The following AGAP1 variants were observed in gnomAD, a reference collection of about 807,000 sequenced individuals.
AGAP1 encodes the protein arf-GAP with GTPase, ANK repeat and PH domain-containing protein 1.
Under a neutral mutation model 105.3 loss-of-function variants are expected in AGAP1, and 29 were observed. The ratio of observed to expected loss-of-function variants is 0.28; its 90% CI spans 0.21 to 0.38. AGAP1 has a LOEUF of 0.38. Ranked by LOEUF, AGAP1 falls within the 10% of genes least tolerant of loss-of-function variation. The pLI, the probability that AGAP1 is intolerant of heterozygous loss-of-function variation, is 1.00. For synonymous variants in AGAP1, 509 were observed against 485.9 expected (o/e 1.05, Z -0.63); for missense variants, 998 against 1,165.1 (o/e 0.86, Z 2.09).
At position 235,799,826 on chromosome 2, in the gene AGAP1, G is replaced by T. The variant is rs1263537080; in HGVS notation, c.957+304G>T. 6.6e-6 allele frequency among the ~76,000 whole-genome samples: 1 copy of T among 152,120 alleles called. No individual in the cohort carries two copies. The highest frequency in any genetic ancestry group is 1.5e-5 in the Non-Finnish European group (1 of 68,018). On this transcript the variant is annotated intron_variant, in intron 8 of 17. Coordinates refer to ENST00000304032, the MANE Select transcript of AGAP1 (RefSeq NM_001037131.3). This position sits in a 1 kb window ranked among gnomAD's most constrained non-coding sequence, Gnocchi z 5.0. ...AAAGATGTGTCACAGTGGATACAAG[G>T]AGATGACAAAACTCTAAGATTCCCA...
At chr2:235,885,974 G>A (rs1363163711) in intron 10 of AGAP1, among the ~76,000 whole-genome samples, 1 of 152,334 alleles carries the variant, frequency 6.6e-6, no homozygotes, top group Non-Finnish European at 1.5e-5. Context: ...TCGAAGAGAT[G>A]TAATACCCAT....
intron 1 of AGAP1, among the ~76,000 whole-genome samples, chr2:235,673,720 G>A (rs1032250006): frequency 6.6e-5 from 10 of 152,160 alleles, no homozygotes; most frequent in African/African-American, 2.2e-4. Context: ...ATCATGAGAA[G>A]CACCACTGGC....
intron 6 of AGAP1, among the ~76,000 whole-genome samples, chr2:235,768,616 G>T (rs1051430010): frequency 6.6e-6 from 1 of 152,236 alleles, no homozygotes; most frequent in East Asian, 1.9e-4. Context: ...GAGCCAATGG[G>T]TAGAGCTGGG....
At chr2:235,924,047 A>C (rs1160139393) in intron 11 of AGAP1, among the ~76,000 whole-genome samples, 1 of 152,050 alleles carries the variant, frequency 6.6e-6, no homozygotes, top group Non-Finnish European at 1.5e-5. Flanking sequence ...GGAGAGTGAC[A>C]TTTACTGTCC....
intron 16 of AGAP1, among the ~76,000 whole-genome samples, chr2:236,065,075 GGA>G (rs1005807316): frequency 1.3e-5 from 2 of 152,222 alleles, no homozygotes; most frequent in Admixed American, 6.5e-5. Flanking sequence ...TGATACTGCT[GGA>G]GAGGTGAGGC....
chr2:235,524,426 G>T, intron 1 of AGAP1: 1 of 246,216 alleles, frequency 4.1e-6, no homozygotes, highest in Non-Finnish European at 9.0e-6. Context: ...CTGACAGTGG[G>T]GGCAAGTTTA....
At chr2:235,835,591 C>T (rs193121560) in intron 9 of AGAP1, among the ~76,000 whole-genome samples, 4 of 152,300 alleles carry the variant, frequency 2.6e-5, no homozygotes, top group East Asian at 1.9e-4. Flanking sequence ...GTAGCTGGCA[C>T]GTTGTGTAAG....
At chr2:235,568,609 G>A (rs371681716) in intron 1 of AGAP1, among the ~76,000 whole-genome samples, 4 of 152,108 alleles carry the variant, frequency 2.6e-5, no homozygotes, top group African/African-American at 4.8e-5. Context: ...GCTCAGTGCC[G>A]GTTGTAAAAG....
intron 10 of AGAP1, among the ~76,000 whole-genome samples, chr2:235,886,883 G>A (rs891621448): frequency 6.6e-6 from 1 of 151,822 alleles, no homozygotes. Flanking sequence ...TCTGACAGGT[G>A]CATACGAGTC....
In AGAP1 at chr2:235,887,516, T is replaced by C. The variant is rs77230365; in HGVS notation, c.1155+4067T>C. Among the ~76,000 whole-genome samples the C allele has an allele frequency of 3.6e-3, 549 of 152,214 alleles. 3 individuals are homozygous for C. Among genetic ancestry groups the C allele is most frequent in the Non-Finnish European group, 6.7e-3 (458 of 68,010 alleles). The stretch of plus-strand genomic sequence containing the variant: ...CTCCCTGTTTTACACTAGAGGAAAA[T>C]GTTATCTGGTTTCTGAGAACACTAT... On this transcript the variant is annotated intron_variant, in intron 10 of 17. Coordinates refer to ENST00000304032, the MANE Select transcript of AGAP1 (RefSeq NM_001037131.3). The surrounding 1 kb of genome is among the most constrained non-coding windows in gnomAD (Gnocchi z 4.1).
rs552556495 is a variant in AGAP1 at position 236,091,006 on chromosome 2, T to C, written c.2115-29186T>C. Among the ~76,000 whole-genome samples the C allele has an allele frequency of 3.3e-5, 5 of 152,348 alleles. No homozygotes were observed. The South Asian group carries it at 1.0e-3, about 32-fold the overall frequency. ...TGCCCACCTCGGCCTCCCGAAGTGCTGGGTTGACAGGCGTGTGCCACCGCA... is the reference window on the plus strand; with the variant it reads ...TGCCCACCTCGGCCTCCCGAAGTGCCGGGTTGACAGGCGTGTGCCACCGCA... On this transcript the variant is annotated intron_variant, in intron 16 of 17. Transcript: ENST00000304032.
intron 12 of AGAP1, among the ~76,000 whole-genome samples, chr2:235,939,084 A>G (rs1204980878): frequency 6.6e-6 from 1 of 152,170 alleles, no homozygotes; most frequent in African/African-American, 2.4e-5. Flanking sequence ...CTGATTCTGT[A>G]TAAACCCAGA....
intron 1 of AGAP1, among the ~76,000 whole-genome samples, chr2:235,630,344 G>C (rs1216680632): frequency 2.0e-5 from 3 of 152,028 alleles, no homozygotes; most frequent in Admixed American, 6.5e-5. Flanking sequence ...CCGAGTAGTT[G>C]GGATTACAGG....
intron 1 of AGAP1, among the ~76,000 whole-genome samples, chr2:235,565,178 C>T (rs1237631568): frequency 1.3e-5 from 2 of 151,688 alleles, no homozygotes. Context: ...CACCCACGGC[C>T]AGGTGTGAGC....
At chr2:235,648,728 A>C (rs13412715) in intron 1 of AGAP1, among the ~76,000 whole-genome samples, 107,180 of 148,820 alleles carry the variant, frequency 0.72, 38,907 homozygotes, top group East Asian at 0.81. Flanking sequence ...AAAAAAAAAA[A>C]AAAAAAACAT....
In AGAP1 at chr2:236,082,435, G is replaced by C. The variant is rs191538081; in HGVS notation, c.2114+33154G>C. Among the ~76,000 whole-genome samples, 1 of 152,190 alleles carries C rather than the reference G, an allele frequency of 6.6e-6. No individual in the cohort carries two copies. The highest frequency in any genetic ancestry group is 2.4e-5 in the African/African-American group (1 of 41,436). Reference sequence around the variant, plus strand: ...GAGCTCACCCACCAGGTCCTGCTACGGGGCCGCTGCCCATTTGATCTCTCA... The same window carrying C: ...GAGCTCACCCACCAGGTCCTGCTACCGGGCCGCTGCCCATTTGATCTCTCA... On this transcript the variant is annotated intron_variant, in intron 16 of 17. Coordinates refer to ENST00000304032, the MANE Select transcript of AGAP1 (RefSeq NM_001037131.3). This position sits in a 1 kb window ranked among gnomAD's most constrained non-coding sequence, Gnocchi z 4.2.
In AGAP1 at chr2:235,596,048, AG is replaced by A; in HGVS notation, c.163+101200del. Among the ~76,000 whole-genome samples, 1 of 152,324 alleles carries A rather than the reference AG, an allele frequency of 6.6e-6. No individual in the cohort carries two copies. Among genetic ancestry groups the A allele is most frequent in the Non-Finnish European group, 1.5e-5 (1 of 68,034 alleles). On this transcript the variant is annotated intron_variant, in intron 1 of 17. Transcript: ENST00000304032. The surrounding 1 kb of genome is among the most constrained non-coding windows in gnomAD (Gnocchi z 5.9). ...TCCTGGAAGTGGTTGTGAAAATCGC[AG>A]CCCTGTGAATTGTGTGCCCTAAGAG...
intron 1 of AGAP1, among the ~76,000 whole-genome samples, chr2:235,498,086 G>C (rs1021335999): frequency 2.6e-5 from 4 of 152,120 alleles, no homozygotes; most frequent in Admixed American, 6.5e-5. Flanking sequence ...TTCAGAGCGC[G>C]TGGAGGTGGG....
chr2:235,860,100 C>G (rs1467316668), intron 9 of AGAP1, among the ~76,000 whole-genome samples: 1 of 152,206 alleles, frequency 6.6e-6, no homozygotes, highest in Non-Finnish European at 1.5e-5. Flanking sequence ...TCCTCCTCCT[C>G]CTCCTTTTAA....
Sources: gnomAD v4.1 joint callset for allele counts (sites outside exome capture counted in the v4.1 genomes callset) on GRCh38, gnomAD v4.1.1 for gene constraint, Gnocchi (gnomAD v3.1) non-coding constraint, MANE v1.5 for transcripts, NCBI Gene and HGNC (gene_info 2026-07-23, HGNC 2026-07-21) for gene names.